PINLYP: variants seen among roughly 807,000 people sequenced by gnomAD.
The protein encoded by PINLYP is phospholipase A2 inhibitor and Ly6/PLAUR domain-containing protein.
Under a neutral mutation model 15.8 loss-of-function variants are expected in PINLYP, and 12 were observed. The observed-to-expected ratio is 0.76, with a 90% CI of 0.49 to 1.23. PINLYP has a LOEUF of 1.23. Among genes scored for constraint, PINLYP ranks in the 50% most tolerant of loss-of-function variants. The pLI, the probability that PINLYP is intolerant of heterozygous loss-of-function variation, is 0.00. For synonymous variants in PINLYP, 93 were observed against 97.7 expected (o/e 0.95, Z 0.28); for missense variants, 278 against 264.2 (o/e 1.05, Z -0.36).
At chr19:43,576,918 A>C in exon 1 of PINLYP, 2 of 418,082 alleles carry the variant, frequency 4.8e-6, no homozygotes, top group South Asian at 4.7e-5. Context: ...GGCCGTGGGA[A>C]GGTGAGAAAA....
chr19:43,575,977 C>T (rs977144991), exon 1 of PINLYP: 3 of 152,286 alleles, frequency 2.0e-5, no homozygotes, highest in African/African-American at 7.2e-5. Flanking sequence ...TCTCGGCTTT[C>T]TGCAACCCCT....
intron 3 of PINLYP, chr19:43,580,972 G>A (rs906524193): frequency 1.3e-5 from 6 of 453,606 alleles, no homozygotes; most frequent in South Asian, 4.4e-5. Context: ...GCATGGTGGC[G>A]GTCGCCTGTG....
chr19:43,580,682 G>A (rs1194457784), intron 3 of PINLYP: 20 of 986,202 alleles, frequency 2.0e-5, no homozygotes, highest in Admixed American at 1.2e-4. Context: ...TGGCAATGGG[G>A]AGCTGGAAGA....
At chr19:43,575,562 G>C, upstream of PINLYP, 2 of 1,285,422 alleles carry the variant, frequency 1.6e-6, no homozygotes, top group East Asian at 2.7e-5. Flanking sequence ...GCTGGCTAAA[G>C]TGCGCAAGCG....
chr19:43,581,800 A>G, intron 5 of PINLYP, 68 bp from the exon 6 acceptor site: 1 of 1,533,940 alleles, frequency 6.5e-7, no homozygotes, highest in African/African-American at 1.4e-5. Context: ...GTGGGTGAGG[A>G]TGTGTTCTGG....
At chr19:43,580,802 A>C in intron 3 of PINLYP, 1 of 691,330 alleles carries the variant, frequency 1.4e-6, no homozygotes, top group Non-Finnish European at 1.8e-6. Context: ...AGGGGGCTTG[A>C]AAGAGACCGC....
At chr19:43,581,406 C>A (rs769143114) in intron 4 of PINLYP, 42 bp downstream of exon 4, 1 of 1,533,120 alleles carries the variant, frequency 6.5e-7, no homozygotes, top group Non-Finnish European at 8.7e-7. Flanking sequence ...TGGCTCTCCA[C>A]TGACCCTTGC....
chr19:43,578,864 G>A, intron 3 of PINLYP, 158 bp downstream of exon 3: 1 of 614,072 alleles, frequency 1.6e-6, no homozygotes, highest in Non-Finnish European at 3.0e-6. Context: ...TCATGAGATG[G>A]AGGGAACAGA....
intron 3 of PINLYP, among the ~76,000 whole-genome samples, chr19:43,579,761 G>C (rs1046730844): frequency 2.0e-5 from 3 of 150,456 alleles, no homozygotes; most frequent in Non-Finnish European, 3.0e-5. Context: ...AAATAGTTGC[G>C]CATGGTGGCA....
chr19:43,575,942 C>T (rs1972856877), exon 1 of PINLYP: 1 of 152,236 alleles, frequency 6.6e-6, no homozygotes, highest in Non-Finnish European at 1.5e-5. Context: ...TGCTCTCTCA[C>T]CCAGGATGGA....
chr19:43,581,474 A>G, intron 4 of PINLYP, 89 bp from the exon 5 acceptor site: 4 of 1,509,274 alleles, frequency 2.7e-6, no homozygotes, highest in Non-Finnish European at 3.5e-6. Context: ...AGTGTCTATT[A>G]GCAACCCTGG....
At position 43,577,281 on chromosome 19, in the gene PINLYP, A is replaced by G. The variant is rs113689452; in HGVS notation, c.70+20A>G. Reference sequence around the variant, plus strand: ...GTCTTGGTAAGTGACAAGGGACCTGAACTGTCTCTGGGACCTCAGGAAGAG... The same window carrying G: ...GTCTTGGTAAGTGACAAGGGACCTGGACTGTCTCTGGGACCTCAGGAAGAG... On this transcript the variant is annotated intron_variant, in intron 2 of 5. Transcript: ENST00000599207. The G allele has an allele frequency of 0.016, 24,990 of 1,534,692 alleles. 349 individuals are homozygous for G. The highest frequency in any genetic ancestry group is 0.062 in the African/African-American group (4,494 of 72,998).
chr19:43,577,180 GAT>G, exon 2 of PINLYP: 1 of 1,536,068 alleles, frequency 6.5e-7, no homozygotes, highest in Non-Finnish European at 8.7e-7. Flanking sequence ...AGGTACTGCT[GAT>G]ACACACACCA....
At chr19:43,578,640 G>C in exon 3 of PINLYP, 2 of 1,535,880 alleles carry the variant, frequency 1.3e-6, no homozygotes, top group Non-Finnish European at 1.7e-6. Context: ...CAGGTGCCAT[G>C]GCCAAATGAA....
chr19:43,579,348 C>T (rs1013928753), intron 3 of PINLYP, among the ~76,000 whole-genome samples: 4 of 152,024 alleles, frequency 2.6e-5, no homozygotes, highest in Admixed American at 2.0e-4. Flanking sequence ...CAGGTTCAAG[C>T]GATTCTCCTG....
chr19:43,581,731 G>A lies in PINLYP; in HGVS notation c.481+28G>A, dbSNP rs775453759. On this transcript the variant is annotated intron_variant, in intron 5 of 5. Coordinates refer to ENST00000599207, the Ensembl canonical transcript of PINLYP. ...GAGTGGTGCCTGAATCTCTGGAAAA[G>A]GAAACAGAACTAGAGGTCCAAACTT... The A allele has an allele frequency of 8.5e-6, 13 of 1,535,786 alleles. No homozygotes were observed. In the South Asian group the frequency reaches 1.5e-4, roughly 18 times the overall value.
chr19:43,581,995 C>A, exon 6 of PINLYP: 1 of 1,536,152 alleles, frequency 6.5e-7, no homozygotes. Context: ...GCACTCACTC[C>A]CCCTGAAAAG....
chr19:43,575,734 T>A (rs1972854265), upstream of PINLYP: 1 of 361,794 alleles, frequency 2.8e-6, no homozygotes, highest in Non-Finnish European at 5.0e-6. Flanking sequence ...CGCTCTAGCC[T>A]CGCCTCCCAA....
chr19:43,580,000 C>A (rs554434050), intron 3 of PINLYP, among the ~76,000 whole-genome samples: 1 of 151,942 alleles, frequency 6.6e-6, no homozygotes, highest in African/African-American at 2.4e-5. Context: ...ATGGAAGAGA[C>A]CAGTGGGGGA....
Sources: gnomAD v4.1 joint callset for allele counts (sites outside exome capture counted in the v4.1 genomes callset) on GRCh38, gnomAD v4.1.1 for gene constraint, MANE v1.5 for transcripts, NCBI Gene and HGNC (gene_info 2026-07-23, HGNC 2026-07-21) for gene names.